ANPEP: variants seen among roughly 807,000 people sequenced by gnomAD.
ANPEP encodes alanyl aminopeptidase, membrane.
In ANPEP, 70 loss-of-function variants were observed where a neutral mutation model predicts 114.6. The observed-to-expected ratio is 0.61, with a 90% CI of 0.50 to 0.75. The LOEUF is 0.75. Ranked by LOEUF, ANPEP falls within the 30% of genes least tolerant of loss-of-function variation. The pLI, the probability that ANPEP is intolerant of heterozygous loss-of-function variation, is 0.00. For synonymous variants in ANPEP, 548 were observed against 522.3 expected, an observed-to-expected ratio of 1.05 and a Z score of -0.67; for missense variants, 1,184 against 1,259.5, an observed-to-expected ratio of 0.94 and a Z score of 0.91.
chr15:89,789,744 C>G (rs1449753938), intron 20 of ANPEP, among the ~76,000 whole-genome samples: 1 of 139,608 alleles, frequency 7.2e-6, no homozygotes, highest in Admixed American at 7.5e-5. Flanking sequence ...CTGCACCACT[C>G]CAGCCTGCAT....
Position 89,801,438 on chromosome 15 carries a change from A to C in ANPEP, c.1739T>G (p.Phe580Cys). 6.2e-7 allele frequency: 1 copy of C among 1,613,958 alleles called. No individual in the cohort carries two copies. Among genetic ancestry groups the C allele is most frequent in the Non-Finnish European group, 8.5e-7 (1 of 1,179,936 alleles). Residue 580 changes from phenylalanine to cysteine, a missense_variant, in exon 11 of 21, where the codon TTC becomes TGC. Phe to Cys is a radical substitution (Grantham distance 205). Transcript: ENST00000300060. ...CTCAGTGACCCCATCTGCTCACTTG[A>C]ATTCTGAGGGGCGGGTAACATTGGA... The part of the protein sequence containing the change: ...PDSNVTRPSE[F>C]NYVWIVPITS...
chr15:89,794,815 C>G (rs1161560631), intron 15 of ANPEP, among the ~76,000 whole-genome samples: 2 of 152,162 alleles, frequency 1.3e-5, no homozygotes, highest in Non-Finnish European at 2.9e-5. Flanking sequence ...GGAGTACTAC[C>G]AGCCTCATTG....
chr15:89,792,598 C>T (rs760499515), intron 16 of ANPEP, 36 bp from the exon 17 acceptor site: 12 of 1,570,518 alleles, frequency 7.6e-6, no homozygotes, highest in South Asian at 5.6e-5. Context: ...GCACACCTGG[C>T]GAACTCCAGC....
chr15:89,807,617 C>T (rs540344299), intron 1 of ANPEP, among the ~76,000 whole-genome samples: 43 of 152,120 alleles, frequency 2.8e-4, no homozygotes, highest in Non-Finnish European at 5.9e-4. Flanking sequence ...CAGAGAATTG[C>T]TTGAATCCGG....
rs746021797 is a variant in ANPEP, at chr15:89,790,526, C to T, written c.2685G>A (p.Ser895=). ...CCTGGATGAGGTTGGAGAAGGAGAA[C>T]GAGCCACCACCATAACTGCAGGGAG... ...KKLFNDYGGG[S]FSFSNLIQAV... Residue 895 remains serine (S), a synonymous_variant, in exon 20 of 21, where the codon TCG becomes TCA. Transcript: ENST00000300060. 8.7e-6 allele frequency: 14 copies of T among 1,613,886 alleles called. No individual in the cohort carries two copies. The East Asian group carries it at 1.6e-4, about 18-fold the overall frequency.
rs150025317 is a variant in ANPEP at position 89,805,400 on chromosome 15, C to T, written c.678G>A (p.Glu226=). ...DARKSFPCFD[E]PAMKAEFNIT... is the part of the protein sequence containing the mutation. Reference sequence around the variant, plus strand: ...TGTTGAACTCGGCCTTCATGGCCGGCTCATCGAAGCATGGGAAGGACTTCC... The same window carrying T: ...TGTTGAACTCGGCCTTCATGGCCGGTTCATCGAAGCATGGGAAGGACTTCC... The change falls in exon 3 of 21, where the codon GAG becomes GAA. Residue 226 remains glutamate (E), a synonymous_variant. Transcript: ENST00000300060. 7 of 1,614,182 alleles carry T rather than the reference C, an allele frequency of 4.3e-6. No individual in the cohort carries two copies. The highest frequency in any genetic ancestry group is 5.9e-6 in the Non-Finnish European group (7 of 1,180,012).
chr15:89,791,560 C>T (rs966442851), intron 18 of ANPEP, among the ~76,000 whole-genome samples: 1 of 151,786 alleles, frequency 6.6e-6, no homozygotes, highest in African/African-American at 2.4e-5. Flanking sequence ...GCCTCAGCCT[C>T]CCGGGTAGCT....
chr15:89,800,496 A>G (rs1894564720), intron 12 of ANPEP, among the ~76,000 whole-genome samples: 1 of 149,340 alleles, frequency 6.7e-6, no homozygotes, highest in African/African-American at 2.5e-5. Context: ...TGCCTTGCTG[A>G]GTAGGGCTGC....
Position 89,792,543 on chromosome 15 carries a change from T to A in ANPEP, c.2269A>T (p.Ile757Phe). ...ACTCCGTTGGAGCAGGCGGTGCTGATGGCATTAACCTCGCTGTACCTGCCC... is the reference window on the plus strand; with the variant it reads ...ACTCCGTTGGAGCAGGCGGTGCTGAAGGCATTAACCTCGCTGTACCTGCCC... The part of the protein sequence containing the change: ...LMDQYSEVNA[I>F]STACSNGVPE... The change falls in exon 17 of 21, where the codon ATC (isoleucine) becomes TTC (phenylalanine). Residue 757 changes from isoleucine (I) to phenylalanine (F), a missense_variant. Physicochemically the swap from Ile to Phe is conservative, Grantham distance 21. Coordinates refer to ENST00000300060, the MANE Select transcript of ANPEP (RefSeq NM_001150.3). 2 of 1,614,150 alleles carry A rather than the reference T, an allele frequency of 1.2e-6. No individual in the cohort carries two copies. Among genetic ancestry groups the A allele is most frequent in the Non-Finnish European group, 1.7e-6 (2 of 1,180,004 alleles).
chr15:89,797,428 A>C (rs1175499722), intron 15 of ANPEP, 147 bp downstream of exon 15: 2 of 1,214,768 alleles, frequency 1.6e-6, no homozygotes, highest in Non-Finnish European at 2.3e-6. Flanking sequence ...CTGACAAGGC[A>C]ATCTTTCTTT....
chr15:89,804,788 G>A, intron 4 of ANPEP, 171 bp from the exon 5 acceptor site: 1 of 973,066 alleles, frequency 1.0e-6, no homozygotes, highest in African/African-American at 1.6e-5. Flanking sequence ...CTGGGGTCTG[G>A]AGGCTGTGGG....
chr15:89,791,874 C>T (rs1165342649), intron 18 of ANPEP, among the ~76,000 whole-genome samples: 1 of 152,122 alleles, frequency 6.6e-6, no homozygotes, highest in East Asian at 1.9e-4. Context: ...GACCCAGGTC[C>T]AGCTACACCA....
rs192362757 is a variant in ANPEP at position 89,797,814 on chromosome 15, C to T, written c.2010-92G>A. 62 of 1,538,344 alleles carry T rather than the reference C, an allele frequency of 4.0e-5. No individual in the cohort carries two copies. In the Admixed American group the frequency reaches 5.2e-4, roughly 13 times the overall value. On this transcript the variant is annotated intron_variant, in intron 14 of 20. Coordinates refer to ENST00000300060, the MANE Select transcript of ANPEP (RefSeq NM_001150.3). The stretch of plus-strand genomic sequence containing the variant: ...AACCCAGGCCCTCAAAGATGCTCCA[C>T]ACCCCTAGGCCCCCTGTATCCACTC...
chr15:89,804,909 G>T, intron 4 of ANPEP, 169 bp downstream of exon 4: 1 of 1,015,944 alleles, frequency 9.8e-7, no homozygotes, highest in Non-Finnish European at 1.4e-6. Context: ...TCATTTTTCA[G>T]GTGCAGAAAT....
chr15:89,813,018 A>C (rs184346907), intron 1 of ANPEP, among the ~76,000 whole-genome samples: 1 of 152,222 alleles, frequency 6.6e-6, no homozygotes, highest in Admixed American at 6.5e-5. Context: ...GAGGACCCAC[A>C]TCTTGCCTCC....
chr15:89,812,694 A>G (rs1273298716), intron 1 of ANPEP, among the ~76,000 whole-genome samples: 2 of 151,912 alleles, frequency 1.3e-5, no homozygotes, highest in East Asian at 2.0e-4. Flanking sequence ...CTGAGCACCT[A>G]CTATGTGCCC....
At chr15:89,813,381 A>T (rs1894849508) in intron 1 of ANPEP, among the ~76,000 whole-genome samples, 1 of 152,198 alleles carries the variant, frequency 6.6e-6, no homozygotes, top group South Asian at 2.1e-4. Context: ...CCAGCGTGTA[A>T]CGAAGGTCTC....
In ANPEP at chr15:89,807,878, G is replaced by A. The variant is rs150100935; in HGVS notation, c.-223-1072C>T. Among the ~76,000 whole-genome samples, 31 of 152,080 alleles carry A rather than the reference G, an allele frequency of 2.0e-4. No individual in the cohort carries two copies. The East Asian group carries it at 4.3e-3, about 21-fold the overall frequency. On this transcript the variant is annotated intron_variant, in intron 1 of 20. Coordinates refer to ENST00000300060, the MANE Select transcript of ANPEP (RefSeq NM_001150.3). ...GCCCAGTTTCTCAGACCTCGACACC[G>A]CCTGACCTCACTCCACATCCAATTC...
chr15:89,785,546 A>T, intron 20 of ANPEP, 45 bp from the exon 21 acceptor site: 1 of 1,609,410 alleles, frequency 6.2e-7, no homozygotes, highest in Non-Finnish European at 8.5e-7. Flanking sequence ...GGTCCCTAAC[A>T]GCCTTGAGGA....
Sources: allele counts gnomAD v4.1 joint callset (sites outside exome capture counted in the v4.1 genomes callset), GRCh38; gene constraint gnomAD v4.1.1; transcripts MANE v1.5; gene names NCBI Gene and HGNC (gene_info 2026-07-23, HGNC 2026-07-21).